Variants in RBM4 observed in about 807,000 individuals in gnomAD.
RBM4 encodes RNA binding motif protein 4.
Under a neutral mutation model 29.5 loss-of-function variants are expected in RBM4, and 7 were observed. That is an observed-to-expected ratio of 0.24 (90% CI 0.14 to 0.45). RBM4 has a LOEUF of 0.45. Ranked by LOEUF, RBM4 falls within the 20% of genes least tolerant of loss-of-function variation. The pLI is 1.00. For missense variants in RBM4, 387 were observed against 502.3 expected (o/e 0.77, Z 2.19); for synonymous variants, 220 against 205.4 (o/e 1.07, Z -0.61).
At chr11:66,662,679 A>C (rs1409025523) in intron 2 of RBM4, among the ~76,000 whole-genome samples, 1 of 152,208 alleles carries the variant, frequency 6.6e-6, no homozygotes, top group East Asian at 1.9e-4. Context: ...CTAGGATTAC[A>C]GGCGTGAGTC....
At chr11:66,657,009 G>A (rs1260185342) in intron 2 of RBM4, among the ~76,000 whole-genome samples, 1 of 149,634 alleles carries the variant, frequency 6.7e-6, no homozygotes, top group African/African-American at 2.5e-5. Flanking sequence ...TTACAATCTT[G>A]TTCCCATTGT....
intron 2 of RBM4, among the ~76,000 whole-genome samples, chr11:66,661,475 T>C (rs1414054919): frequency 1.3e-5 from 2 of 152,166 alleles, no homozygotes; most frequent in Non-Finnish European, 2.9e-5. Context: ...CCTGAGGGCC[T>C]AGTGTCTTTC....
chr11:66,662,070 T>C (rs896407075), intron 2 of RBM4, among the ~76,000 whole-genome samples: 2 of 152,208 alleles, frequency 1.3e-5, no homozygotes, highest in East Asian at 1.9e-4. Context: ...CAGTACTCTT[T>C]TGGTGTGAAA....
chr11:66,661,985 A>G (rs1248430199), intron 2 of RBM4, among the ~76,000 whole-genome samples: 1 of 152,212 alleles, frequency 6.6e-6, no homozygotes, highest in Non-Finnish European at 1.5e-5. Context: ...AGCCGAGATC[A>G]TGCCAGTGCA....
At chr11:66,657,500 G>C (rs1004256342) in intron 2 of RBM4, among the ~76,000 whole-genome samples, 3 of 151,520 alleles carry the variant, frequency 2.0e-5, no homozygotes, top group Non-Finnish European at 4.4e-5. Flanking sequence ...TGGCCGACAT[G>C]ATGAAACCCC....
At chr11:66,649,777 T>C (rs1938786599), downstream of RBM4, 2 of 701,574 alleles carry the variant, frequency 2.9e-6, no homozygotes, top group Non-Finnish European at 5.2e-6. Context: ...GGTGGCATGA[T>C]TGTAGCTCAC....
intron 2 of RBM4, 131 bp downstream of exon 2, chr11:66,640,254 G>T: frequency 8.1e-7 from 1 of 1,233,056 alleles, no homozygotes; most frequent in Non-Finnish European, 1.2e-6. Context: ...AAGTGTGGGT[G>T]ATGGACTTCT....
At chr11:66,665,784 TA>T (rs1191475360) in intron 2 of RBM4, 1 of 1,373,324 alleles carries the variant, frequency 7.3e-7, no homozygotes, top group Non-Finnish European at 9.8e-7. Flanking sequence ...TATGGCTATA[TA>T]TATAGGACAA....
At position 66,665,637 on chromosome 11, in the gene RBM4, C is replaced by T. The variant is rs1321389559; in HGVS notation, c.413-219C>T. On this transcript the variant is annotated intron_variant, in intron 2 of 2. Coordinates refer to the RBM4 transcript ENST00000396053. ...ATGCCTGGAGAGCAGCCTGGCTCCG[C>T]GTACAAGCGCCCTGGGTCCTGTCCT... 5.2e-6 allele frequency: 8 copies of T among 1,534,824 alleles called. No homozygotes were observed. In the African/African-American group the frequency reaches 8.2e-5, roughly 16 times the overall value.
chr11:66,640,331 T>A, intron 2 of RBM4: 1 of 675,678 alleles, frequency 1.5e-6, no homozygotes, highest in Non-Finnish European at 2.5e-6. Flanking sequence ...GAAAAGCCAC[T>A]CACCTTTTAT....
chr11:66,647,820 T>C (rs189773596), downstream of RBM4, among the ~76,000 whole-genome samples: 1 of 152,334 alleles, frequency 6.6e-6, no homozygotes, highest in African/African-American at 2.4e-5. Context: ...AGTAGAGAAT[T>C]CTGTTTAGAT....
chr11:66,645,615 A>G (rs1350440344), intron 3 of RBM4, among the ~76,000 whole-genome samples: 1 of 152,150 alleles, frequency 6.6e-6, no homozygotes, highest in Non-Finnish European at 1.5e-5. Context: ...CCTTGGCAGT[A>G]ACTCCTAGAT....
At chr11:66,662,450 G>A (rs1939101651) in intron 2 of RBM4, among the ~76,000 whole-genome samples, 2 of 152,092 alleles carry the variant, frequency 1.3e-5, no homozygotes, top group African/African-American at 4.8e-5. Context: ...TGCCCAGGCT[G>A]GAGTGCATTG....
chr11:66,656,482 A>C (rs1278217324), intron 2 of RBM4, among the ~76,000 whole-genome samples: 2 of 151,994 alleles, frequency 1.3e-5, no homozygotes, highest in Non-Finnish European at 2.9e-5. Flanking sequence ...TCTCCATGTC[A>C]GTCAGACTGG....
At chr11:66,659,158 A>T (rs1479517953) in intron 2 of RBM4, among the ~76,000 whole-genome samples, 1 of 151,418 alleles carries the variant, frequency 6.6e-6, no homozygotes, top group African/African-American at 2.4e-5. Flanking sequence ...CTGTTATGTA[A>T]CACTGATCCA....
At chr11:66,653,657 C>A (rs967887138) in intron 2 of RBM4, among the ~76,000 whole-genome samples, 1 of 152,092 alleles carries the variant, frequency 6.6e-6, no homozygotes, top group African/African-American at 2.4e-5. Context: ...CCACCGCGCC[C>A]AACCTTTTCT....
chr11:66,649,800 C>A (rs1465066900), downstream of RBM4: 1 of 700,438 alleles, frequency 1.4e-6, no homozygotes, highest in Non-Finnish European at 2.6e-6. Flanking sequence ...TAACTTTGAA[C>A]TCCTGAGCTC....
At chr11:66,665,326 A>G (rs1414661774) in intron 2 of RBM4, 5 of 534,238 alleles carry the variant, frequency 9.4e-6, no homozygotes, top group Non-Finnish European at 1.7e-5. Flanking sequence ...GAAAAAGGGG[A>G]TGCCAGCATA....
chr11:66,656,383 A>T (rs956976051), intron 2 of RBM4, among the ~76,000 whole-genome samples: 14 of 151,298 alleles, frequency 9.3e-5, no homozygotes, highest in Admixed American at 2.0e-4. Context: ...CTTGTGATCC[A>T]CCCGCCTCGG....
Sources: allele counts gnomAD v4.1 joint callset (sites outside exome capture counted in the v4.1 genomes callset), GRCh38; gene constraint gnomAD v4.1.1; transcripts MANE v1.5; gene names NCBI Gene and HGNC (gene_info 2026-07-23, HGNC 2026-07-21).